Variants in KIF16B observed in about 807,000 individuals in gnomAD.
KIF16B encodes kinesin family member 16B.
KIF16B carries 98 observed loss-of-function variants against 156.3 expected under a neutral mutation model. That is an observed-to-expected ratio of 0.63 (90% CI 0.53 to 0.74). KIF16B has a LOEUF of 0.74. Ranked by LOEUF, KIF16B falls within the 30% of genes least tolerant of loss-of-function variation. The pLI is 0.00. For synonymous variants in KIF16B, 564 were observed against 583.7 expected (o/e 0.97, Z 0.49); for missense variants, 1,421 against 1,606.5 (o/e 0.88, Z 1.97).
At chr20:16,318,283 T>C (rs1384157569) in intron 24 of KIF16B, among the ~76,000 whole-genome samples, 5 of 152,272 alleles carry the variant, frequency 3.3e-5, no homozygotes, top group Admixed American at 6.5e-5. Context: ...ACACCGTAAG[T>C]GGGATCAGCC....
intron 25 of KIF16B, among the ~76,000 whole-genome samples, chr20:16,296,692 G>C (rs1352940256): frequency 6.6e-6 from 1 of 152,168 alleles, no homozygotes. Context: ...AATATCTAAA[G>C]CTCAACAAAT....
chr20:16,530,362 G>A (rs1170612899), intron 1 of KIF16B, among the ~76,000 whole-genome samples: 1 of 152,136 alleles, frequency 6.6e-6, no homozygotes, highest in Non-Finnish European at 1.5e-5. Flanking sequence ...CACTTCCCAG[G>A]CGGGCTTTCA....
intron 17 of KIF16B, chr20:16,382,144 G>T: frequency 7.5e-7 from 1 of 1,331,920 alleles, no homozygotes; most frequent in Non-Finnish European, 1.0e-6. Context: ...CCAGGGAGGT[G>T]GAGAGAGAGA....
At position 16,374,422 on chromosome 20, in the gene KIF16B, G is replaced by T; in HGVS notation, c.3198-13C>A. 6.6e-7 allele frequency: 1 copy of T among 1,516,706 alleles called. No individual in the cohort carries two copies. 94.0% of individuals were successfully genotyped at this position (1,516,706 alleles called of 1,614,324 possible). On this transcript the variant is annotated splice_polypyrimidine_tract_variant and intron_variant, in intron 19 of 25. Transcript: ENST00000354981. The stretch of plus-strand genomic sequence containing the variant: ...TTCATATTCTAACCTACACAGATAG[G>T]AGCCACATAATTCATTCATTAATAG...
At chr20:16,458,627 T>C (rs2067271062) in intron 12 of KIF16B, among the ~76,000 whole-genome samples, 1 of 152,016 alleles carries the variant, frequency 6.6e-6, no homozygotes, top group Admixed American at 6.6e-5. Flanking sequence ...AAAATGCCAA[T>C]TTCTAGTCAA....
At chr20:16,418,200 G>GA (rs1404319793) in intron 15 of KIF16B, among the ~76,000 whole-genome samples, 1 of 152,110 alleles carries the variant, frequency 6.6e-6, no homozygotes, top group African/African-American at 2.4e-5. Flanking sequence ...GGGTTAAACA[G>GA]AATGACAAAT....
chr20:16,285,331 A>T (rs1259603394), intron 25 of KIF16B, among the ~76,000 whole-genome samples: 1 of 152,212 alleles, frequency 6.6e-6, no homozygotes, highest in Non-Finnish European at 1.5e-5. Context: ...ATACACACAG[A>T]TATTTATGAG....
intron 24 of KIF16B, among the ~76,000 whole-genome samples, chr20:16,323,290 A>AACCC (rs1300286816): frequency 1.3e-5 from 2 of 152,028 alleles, no homozygotes; most frequent in Non-Finnish European, 1.5e-5. Context: ...TTTGCAAGTA[A>AACCC]ACCCACCTAC....
intron 25 of KIF16B, among the ~76,000 whole-genome samples, chr20:16,300,569 G>A (rs927354251): frequency 2.6e-5 from 4 of 151,978 alleles, no homozygotes; most frequent in Admixed American, 6.6e-5. Flanking sequence ...GTTGGAGGAA[G>A]GATAGAAGTG....
intron 15 of KIF16B, among the ~76,000 whole-genome samples, chr20:16,418,411 G>T (rs2066143746): frequency 6.6e-6 from 1 of 152,086 alleles, no homozygotes; most frequent in African/African-American, 2.4e-5. Flanking sequence ...TAGGAGGTAG[G>T]ACATGCTTTC....
intron 17 of KIF16B, among the ~76,000 whole-genome samples, chr20:16,384,871 G>A (rs2065191028): frequency 1.3e-5 from 2 of 152,062 alleles, no homozygotes; most frequent in East Asian, 1.9e-4. Context: ...GCCTAGCACA[G>A]TACCTGACAC....
intron 3 of KIF16B, among the ~76,000 whole-genome samples, chr20:16,520,386 C>T (rs1384118486): frequency 2.6e-5 from 4 of 152,136 alleles, no homozygotes; most frequent in Admixed American, 6.5e-5. Context: ...GGTGGTTTTA[C>T]CCTCACAGTG....
chr20:16,368,267 C>A, intron 22 of KIF16B: 12 of 1,003,506 alleles, frequency 1.2e-5, no homozygotes, highest in Non-Finnish European at 1.4e-5. Context: ...GGCGAGGAAC[C>A]TGGTAAACCT....
At chr20:16,468,298 G>A (rs560205321) in intron 12 of KIF16B, among the ~76,000 whole-genome samples, 6 of 152,270 alleles carry the variant, frequency 3.9e-5, no homozygotes, top group East Asian at 3.9e-4. Context: ...TAGGCCGGGC[G>A]CAGTGGCTCT....
chr20:16,362,166 A>G lies in KIF16B; in HGVS notation c.3499-5714T>C, dbSNP rs1310005555. Among the ~76,000 whole-genome samples, 3 of 152,192 alleles carry G rather than the reference A, an allele frequency of 2.0e-5. No homozygotes were observed. The South Asian group carries it at 6.2e-4, about 31-fold the overall frequency. ...TACAATGTCATTGATTAATCATGAAAAGTACCACTGATGTTCACTCACTGA... is the reference window on the plus strand; with the variant it reads ...TACAATGTCATTGATTAATCATGAAGAGTACCACTGATGTTCACTCACTGA... On this transcript the variant is annotated intron_variant, in intron 22 of 25. Coordinates refer to ENST00000354981, the MANE Select transcript of KIF16B (RefSeq NM_024704.5).
chr20:16,502,717 A>G (rs1044464431), intron 10 of KIF16B, among the ~76,000 whole-genome samples: 1 of 152,258 alleles, frequency 6.6e-6, no homozygotes, highest in African/African-American at 2.4e-5. Context: ...TTTAATCTAT[A>G]TAAGATTCCT....
intron 20 of KIF16B, 55 bp downstream of exon 20, chr20:16,374,202 T>A: frequency 7.0e-7 from 1 of 1,429,398 alleles, no homozygotes; most frequent in Non-Finnish European, 9.3e-7. Context: ...AGAGAAACAA[T>A]GAGTCCTTGA....
At chr20:16,473,955 G>C (rs2067735274) in intron 12 of KIF16B, among the ~76,000 whole-genome samples, 1 of 152,162 alleles carries the variant, frequency 6.6e-6, no homozygotes, top group South Asian at 2.1e-4. Context: ...GGGAAATTAA[G>C]CTCTGACATG....
At chr20:16,443,919 T>C (rs1175767555) in intron 12 of KIF16B, among the ~76,000 whole-genome samples, 1 of 152,232 alleles carries the variant, frequency 6.6e-6, no homozygotes, top group African/African-American at 2.4e-5. Context: ...CAAAATAAAT[T>C]GTGTTTGCTG....
Sources: gnomAD v4.1 joint callset for allele counts (sites outside exome capture counted in the v4.1 genomes callset) on GRCh38, gnomAD v4.1.1 for gene constraint, MANE v1.5 for transcripts, NCBI Gene and HGNC (gene_info 2026-07-23, HGNC 2026-07-21) for gene names.